Variants in NLK observed in about 807,000 individuals in gnomAD.
NLK encodes the protein serine/threonine-protein kinase NLK.
A neutral mutation model predicts 59.0 loss-of-function variants in NLK; 11 were observed. The ratio of observed to expected loss-of-function variants is 0.19; its 90% CI spans 0.12 to 0.31. The LOEUF (loss-of-function observed/expected upper bound fraction) is 0.31. Among genes scored for constraint, NLK ranks in the 10% least tolerant of loss-of-function variants. The pLI is 1.00. For missense variants in NLK, 410 were observed against 661.1 expected (o/e 0.62, Z 4.16); for synonymous variants, 235 against 235.9 (o/e 1.00, Z 0.03).
chr17:28,083,600 A>G (rs1319558556), intron 1 of NLK, among the ~76,000 whole-genome samples: 1 of 152,000 alleles, frequency 6.6e-6, no homozygotes, highest in Non-Finnish European at 1.5e-5. Flanking sequence ...TCTAACAGTA[A>G]CTCTAATGGA....
intron 6 of NLK, among the ~76,000 whole-genome samples, chr17:28,170,531 TA>T (rs909627902): frequency 6.6e-6 from 1 of 152,168 alleles, no homozygotes; most frequent in Non-Finnish European, 1.5e-5. Context: ...ATTCTGGTGT[TA>T]AAAAAATTAT....
In NLK at chr17:28,126,049, T is replaced by C. The variant is rs77630865; in HGVS notation, c.588+3317T>C. ...CATATTCATTAATTCAGTAAACTTT[T>C]ATTATGCACATCCTGTATGCCTAAA... On this transcript the variant is annotated intron_variant, in intron 2 of 10. Transcript: ENST00000407008. 6.4e-3 allele frequency among the ~76,000 whole-genome samples: 982 copies of C among 152,336 alleles called. 15 individuals carry two copies. The highest frequency in any genetic ancestry group is 0.022 in the African/African-American group (915 of 41,582).
At chr17:28,145,584 T>C (rs2142033333) in intron 3 of NLK, among the ~76,000 whole-genome samples, 1 of 152,360 alleles carries the variant, frequency 6.6e-6, no homozygotes, top group Admixed American at 6.5e-5. Flanking sequence ...CATGTTTCTT[T>C]GATGCCAAAA....
chr17:28,082,879 G>T (rs1200381817), intron 1 of NLK, among the ~76,000 whole-genome samples: 3 of 152,172 alleles, frequency 2.0e-5, no homozygotes. Context: ...AGAAATTTAG[G>T]AGGAAATTTT....
chr17:28,124,516 C>T (rs1906208557), intron 2 of NLK, among the ~76,000 whole-genome samples: 1 of 151,826 alleles, frequency 6.6e-6, no homozygotes, highest in Admixed American at 6.6e-5. Context: ...CAGAGCAGGA[C>T]TCCATCTCTA....
At chr17:28,091,391 T>G (rs1904486273) in intron 1 of NLK, among the ~76,000 whole-genome samples, 1 of 152,022 alleles carries the variant, frequency 6.6e-6, no homozygotes, top group African/African-American at 2.4e-5. Context: ...CTGAAGCAGA[T>G]GTGGTAAACA....
intron 3 of NLK, among the ~76,000 whole-genome samples, chr17:28,160,036 CA>C (rs1294876328): frequency 4.6e-5 from 7 of 152,192 alleles, no homozygotes; most frequent in African/African-American, 1.7e-4. Flanking sequence ...AATAGGTAGG[CA>C]GTTTGATATA....
downstream of NLK, among the ~76,000 whole-genome samples, chr17:28,198,882 A>ATT (rs1306773787): frequency 3.3e-5 from 5 of 152,238 alleles, no homozygotes; most frequent in African/African-American, 1.2e-4. Flanking sequence ...ACCCCTGGAA[A>ATT]GTAAAGCAAA....
intron 1 of NLK, among the ~76,000 whole-genome samples, chr17:28,052,069 A>C (rs1192986207): frequency 6.6e-6 from 1 of 152,152 alleles, no homozygotes; most frequent in Admixed American, 6.5e-5. Flanking sequence ...GGTAAGGATT[A>C]TACATGTAGT....
intron 3 of NLK, among the ~76,000 whole-genome samples, chr17:28,152,656 C>G (rs939381136): frequency 6.6e-6 from 1 of 151,928 alleles, no homozygotes; most frequent in Non-Finnish European, 1.5e-5. Context: ...GGGGACTCAA[C>G]TCTGTCACCC....
the NLK span, among the ~76,000 whole-genome samples, chr17:28,203,745 C>T: frequency 6.6e-6 from 1 of 152,150 alleles, no homozygotes; most frequent in Non-Finnish European, 1.5e-5. Context: ...CCATGTTGGC[C>T]AGGCTGGTCT....
At chr17:28,078,843 G>A (rs1028723181) in intron 1 of NLK, among the ~76,000 whole-genome samples, 1 of 152,020 alleles carries the variant, frequency 6.6e-6, no homozygotes, top group South Asian at 2.1e-4. Flanking sequence ...TTAAAAAAAA[G>A]ACCTTAGCCT....
intron 1 of NLK, among the ~76,000 whole-genome samples, chr17:28,110,839 G>T (rs556750834): frequency 6.6e-6 from 1 of 151,202 alleles, no homozygotes; most frequent in Non-Finnish European, 1.5e-5. Context: ...TCTTTTTTTT[G>T]TTTGTTTGTT....
intron 1 of NLK, among the ~76,000 whole-genome samples, chr17:28,091,026 T>C (rs1407360079): frequency 6.6e-6 from 1 of 152,178 alleles, no homozygotes; most frequent in East Asian, 1.9e-4. Flanking sequence ...ATACTATATA[T>C]ATGAAATAAA....
chr17:28,129,628 C>A (rs143673243), intron 2 of NLK, among the ~76,000 whole-genome samples: 1 of 151,988 alleles, frequency 6.6e-6, no homozygotes, highest in Non-Finnish European at 1.5e-5. Context: ...AACTTAGAAT[C>A]TATTATGGGG....
At chr17:28,099,066 G>A (rs1309093575) in intron 1 of NLK, among the ~76,000 whole-genome samples, 1 of 151,946 alleles carries the variant, frequency 6.6e-6, no homozygotes, top group Admixed American at 6.6e-5. Flanking sequence ...GGACAAAAAG[G>A]TCCACCCATT....
At chr17:28,148,730 A>G (rs1907357978) in intron 3 of NLK, among the ~76,000 whole-genome samples, 1 of 152,232 alleles carries the variant, frequency 6.6e-6, no homozygotes, top group Non-Finnish European at 1.5e-5. Context: ...AATACTTTTC[A>G]GCAAACAGAT....
chr17:28,055,599 C>T (rs938962285), intron 1 of NLK, among the ~76,000 whole-genome samples: 1 of 152,110 alleles, frequency 6.6e-6, no homozygotes, highest in African/African-American at 2.4e-5. Context: ...CCCACCTCAG[C>T]CTCCCAAGTA....
chr17:28,133,160 C>A (rs1214629962), intron 3 of NLK, among the ~76,000 whole-genome samples: 1 of 152,098 alleles, frequency 6.6e-6, no homozygotes, highest in East Asian at 1.9e-4. Context: ...ACATAATAGC[C>A]ATTACTTATA....
Sources: gnomAD v4.1 joint callset for allele counts (sites outside exome capture counted in the v4.1 genomes callset) on GRCh38, gnomAD v4.1.1 for gene constraint, MANE v1.5 for transcripts, NCBI Gene and HGNC (gene_info 2026-07-23, HGNC 2026-07-21) for gene names.